RIN3: variants seen among roughly 807,000 people sequenced by gnomAD.
RIN3 encodes RAB5 interacting protein 3.
In RIN3, 54 loss-of-function variants were observed where a neutral mutation model predicts 76.3. That is an observed-to-expected ratio of 0.71 (90% CI 0.57 to 0.89). The LOEUF (loss-of-function observed/expected upper bound fraction) is 0.89. Among genes scored for constraint, RIN3 ranks in the 40% least tolerant of loss-of-function variants. RIN3 has a pLI of 0.00. For synonymous variants in RIN3, 576 were observed against 564.0 expected, an observed-to-expected ratio of 1.02 and a Z score of -0.30; for missense variants, 1,256 against 1,322.1, an observed-to-expected ratio of 0.95 and a Z score of 0.78.
chr14:92,515,643 TA>T (rs1896420523), intron 1 of RIN3: 1 of 224,486 alleles, frequency 4.5e-6, no homozygotes, highest in African/African-American at 2.3e-5. Context: ...GCCAAATGTG[TA>T]ACCTTAGACA....
At chr14:92,538,695 A>G (rs1198961834) in intron 1 of RIN3, among the ~76,000 whole-genome samples, 1 of 152,202 alleles carries the variant, frequency 6.6e-6, no homozygotes, top group Non-Finnish European at 1.5e-5. Flanking sequence ...AGAGTTCTCT[A>G]AATACACCTG....
intron 7 of RIN3, among the ~76,000 whole-genome samples, chr14:92,668,981 A>T (rs1041494078): frequency 6.6e-6 from 1 of 152,268 alleles, no homozygotes; most frequent in African/African-American, 2.4e-5. Flanking sequence ...ACCGTTCAAC[A>T]AACTTTTTTT....
chr14:92,673,900 A>G (rs1261156544), intron 7 of RIN3, among the ~76,000 whole-genome samples: 2 of 152,216 alleles, frequency 1.3e-5, no homozygotes, highest in Non-Finnish European at 2.9e-5. Context: ...TGCAGTTTCC[A>G]GGCCCACATA....
In RIN3 at chr14:92,555,901, G is replaced by C; in HGVS notation, c.195G>C (p.Gln65His). The change falls in exon 2 of 10, where the codon CAG becomes CAC. Residue 65 changes from glutamine (Q) to histidine (H), a missense_variant. Gln to His is a conservative substitution (Grantham distance 24, BLOSUM62 0). Around this residue, in one of 3 missense-constraint regions of RIN3, gnomAD observed 610 missense variants for 626.4 expected, o/e 0.97. Coordinates refer to ENST00000216487, the MANE Select transcript of RIN3 (RefSeq NM_024832.5). ...KLIKTCPVWL[Q>H]LSLGQAEVAR... ...TCAAAACATGCCCGGTGTGGCTGCA[G>C]CTGAGTCTGGGCCAGGCAGAGGTGG... is the stretch of plus-strand genomic sequence containing the variant. 1 of 1,613,918 alleles carries C rather than the reference G, an allele frequency of 6.2e-7. No homozygotes were observed. Among genetic ancestry groups the C allele is most frequent in the Non-Finnish European group, 8.5e-7 (1 of 1,180,020 alleles).
intron 2 of RIN3, among the ~76,000 whole-genome samples, chr14:92,561,042 A>AAAT (rs1897751631): frequency 5.2e-5 from 1 of 19,364 alleles, no homozygotes; most frequent in African/African-American, 1.7e-4. Context: ...AAAAAAAAAA[A>AAAT]AAATATATAT....
chr14:92,588,134 C>A (rs1401192567), intron 3 of RIN3, among the ~76,000 whole-genome samples: 1 of 151,646 alleles, frequency 6.6e-6, no homozygotes, highest in Non-Finnish European at 1.5e-5. Context: ...TTTTAAAGGC[C>A]CCAACTCCTC....
chr14:92,632,164 G>T (rs983031675), intron 4 of RIN3, among the ~76,000 whole-genome samples: 1 of 152,172 alleles, frequency 6.6e-6, no homozygotes, highest in African/African-American at 2.4e-5. Context: ...CTAGGCATGT[G>T]TGAGGCTCCA....
chr14:92,652,963 G>A lies in RIN3; in HGVS notation c.1914G>A (p.Thr638=), dbSNP rs190953824. Residue 638 remains threonine (T), a synonymous_variant, in exon 6 of 10, where the codon ACG becomes ACA. Transcript: ENST00000216487. This position sits in a 1 kb window ranked among gnomAD's most constrained non-coding sequence, Gnocchi z 6.4. ...LEMMARQTSS[T]EMLQEIRTMM... ...TGATGGCGCGCCAGACCTCCAGCAC[G>A]GAGATGCTGCAGGAGATTCGCACCA... is the stretch of plus-strand genomic sequence containing the variant. 104 of 1,613,718 alleles carry A rather than the reference G, an allele frequency of 6.4e-5. No individual in the cohort carries two copies. In the East Asian group the frequency reaches 1.7e-3, roughly 26 times the overall value.
At chr14:92,672,981 C>T (rs770122857) in intron 7 of RIN3, among the ~76,000 whole-genome samples, 12 of 152,072 alleles carry the variant, frequency 7.9e-5, no homozygotes, top group African/African-American at 2.9e-4. Context: ...AATATCATCA[C>T]GGTCTATCAA....
intron 6 of RIN3, among the ~76,000 whole-genome samples, chr14:92,654,973 T>C (rs1887613540): frequency 1.3e-5 from 2 of 152,054 alleles, no homozygotes; most frequent in Admixed American, 1.3e-4. Context: ...GAGACCAGCC[T>C]GGCCAACATG....
At chr14:92,577,853 C>T (rs1372286036) in intron 3 of RIN3, among the ~76,000 whole-genome samples, 3 of 152,228 alleles carry the variant, frequency 2.0e-5, no homozygotes, top group Non-Finnish European at 4.4e-5. Flanking sequence ...AGACAAGTCA[C>T]TTAATCTTTC....
chr14:92,537,807 A>G (rs1897037321), intron 1 of RIN3, among the ~76,000 whole-genome samples: 1 of 147,718 alleles, frequency 6.8e-6, no homozygotes, highest in Admixed American at 6.8e-5. Context: ...GCACGCCACC[A>G]CGCCTGGCTA....
intron 8 of RIN3, among the ~76,000 whole-genome samples, chr14:92,683,289 G>C (rs1004754589): frequency 5.3e-5 from 8 of 152,332 alleles, no homozygotes; most frequent in South Asian, 2.1e-4. Flanking sequence ...GGACCCGAGA[G>C]ACCAGGGTTT....
intron 7 of RIN3, among the ~76,000 whole-genome samples, chr14:92,661,745 AC>A (rs1279698814): frequency 2.2e-5 from 3 of 135,174 alleles, no homozygotes; most frequent in East Asian, 2.5e-4. Flanking sequence ...ACACACACAC[AC>A]ACACACACAC....
At chr14:92,684,586 G>A (rs1447868156) in intron 8 of RIN3, among the ~76,000 whole-genome samples, 1 of 152,070 alleles carries the variant, frequency 6.6e-6, no homozygotes, top group Non-Finnish European at 1.5e-5. Flanking sequence ...GTAACTCAGA[G>A]ACCGTGTATA....
intron 6 of RIN3, among the ~76,000 whole-genome samples, chr14:92,654,540 G>A (rs944623591): frequency 3.9e-5 from 6 of 152,280 alleles, no homozygotes; most frequent in East Asian, 3.9e-4. Context: ...CAGTAGCTTC[G>A]TAGCGAATGT....
Position 92,652,324 on chromosome 14 carries a change from G to A in RIN3, c.1275G>A (p.Thr425=), listed in dbSNP as rs3742716. 499,850 of 1,603,124 alleles carry A rather than the reference G, an allele frequency of 0.31. 82,345 individuals are homozygous for A. The highest frequency in any genetic ancestry group is 0.45 in the East Asian group (20,173 of 44,646). ...PQGTSDGPED[T]PRESTEQGQD... The stretch of plus-strand genomic sequence containing the variant: ...GGACCTCAGACGGCCCTGAGGACAC[G>A]CCCCGGGAGAGCACGGAGCAAGGCC... Residue 425 remains threonine (T), a synonymous_variant, in exon 6 of 10, where the codon ACG becomes ACA. Transcript: ENST00000216487. The surrounding 1 kb of genome is among the most constrained non-coding windows in gnomAD (Gnocchi z 6.4).
At chr14:92,598,317 C>A (rs1885224915) in intron 3 of RIN3, among the ~76,000 whole-genome samples, 1 of 152,138 alleles carries the variant, frequency 6.6e-6, no homozygotes, top group Admixed American at 6.5e-5. Flanking sequence ...CAGGCATAAG[C>A]AAAAGTGCCT....
intron 1 of RIN3, among the ~76,000 whole-genome samples, chr14:92,552,140 G>A (rs947707362): frequency 5.9e-5 from 9 of 152,178 alleles, no homozygotes; most frequent in Non-Finnish European, 1.0e-4. Context: ...GGACTGGACC[G>A]GATTCTTTAG....
Sources: allele counts gnomAD v4.1 joint callset (sites outside exome capture counted in the v4.1 genomes callset), GRCh38; gene constraint gnomAD v4.1.1; regional missense constraint gnomAD v4.1.1; non-coding constraint Gnocchi (gnomAD v3.1); transcripts MANE v1.5; gene names NCBI Gene and HGNC (gene_info 2026-07-23, HGNC 2026-07-21).